Variants in CPNE4 observed in about 807,000 individuals in gnomAD.
The protein encoded by CPNE4 is copine-4.
CPNE4 carries 25 observed loss-of-function variants against 67.9 expected under a neutral mutation model. That is an observed-to-expected ratio of 0.37 (90% CI 0.27 to 0.51). The LOEUF (loss-of-function observed/expected upper bound fraction) is 0.51. CPNE4 is among the 20% of genes least tolerant of loss of function. The probability of loss-of-function intolerance (pLI) is 0.93; values close to 1 mark genes in which losing one functional copy is unlikely to be tolerated. For missense variants in CPNE4, 464 were observed against 690.8 expected (o/e 0.67, Z 3.68); for synonymous variants, 242 against 244.9 (o/e 0.99, Z 0.11).
intron 2 of CPNE4, among the ~76,000 whole-genome samples, chr3:131,903,694 G>A (rs1221451732): frequency 6.6e-6 from 1 of 152,048 alleles, no homozygotes. Flanking sequence ...GTAAAATGGG[G>A]ATAATATCTC....
chr3:131,601,715 G>C (rs528270286), intron 7 of CPNE4, among the ~76,000 whole-genome samples: 3 of 152,156 alleles, frequency 2.0e-5, no homozygotes, highest in Non-Finnish European at 2.9e-5. Context: ...ATGATAGCCT[G>C]CACAGAATTG....
chr3:131,911,908 C>G (rs1014933054), intron 1 of CPNE4, among the ~76,000 whole-genome samples: 1 of 152,084 alleles, frequency 6.6e-6, no homozygotes, highest in African/African-American at 2.4e-5. Flanking sequence ...GGCTTTGGTC[C>G]AGCTGAAGCT....
At chr3:131,564,184 G>A in intron 11 of CPNE4, 32 bp downstream of exon 11, 2 of 1,611,872 alleles carry the variant, frequency 1.2e-6, no homozygotes, top group South Asian at 2.2e-5. Context: ...CATGAGAGAT[G>A]ATAAGGCTCC....
chr3:132,031,379 A>C (rs542238103), intron 1 of CPNE4, among the ~76,000 whole-genome samples: 1 of 152,338 alleles, frequency 6.6e-6, no homozygotes, highest in South Asian at 2.1e-4. Context: ...CAAATATGGA[A>C]CACAAATTTA....
chr3:131,562,403 A>G (rs2107661850), intron 11 of CPNE4, among the ~76,000 whole-genome samples: 1 of 152,128 alleles, frequency 6.6e-6, no homozygotes, highest in South Asian at 2.1e-4. Context: ...TTTGTAATTT[A>G]TTATGAGACT....
In CPNE4 at chr3:131,863,198, T is replaced by A. The variant is rs532011727; in HGVS notation, c.180+42066A>T. Among the ~76,000 whole-genome samples the A allele has an allele frequency of 4.5e-4, 69 of 152,224 alleles. 1 individual carries two copies. Among genetic ancestry groups the A allele is most frequent in the African/African-American group, 1.6e-3 (68 of 41,538 alleles). On this transcript the variant is annotated intron_variant, in intron 2 of 15. Transcript: ENST00000429747. ...GTGCATGTGTCTTTATAGCAGCATGTTTTATAATCCTTTGGGTACATACCC... is the reference window on the plus strand; with the variant it reads ...GTGCATGTGTCTTTATAGCAGCATGATTTATAATCCTTTGGGTACATACCC...
chr3:131,872,495 T>C (rs1284779134), intron 2 of CPNE4, among the ~76,000 whole-genome samples: 2 of 152,200 alleles, frequency 1.3e-5, no homozygotes, highest in Non-Finnish European at 2.9e-5. Flanking sequence ...CTGTTTGTTC[T>C]ACTCAGAACT....
intron 2 of CPNE4, among the ~76,000 whole-genome samples, chr3:131,861,968 G>A (rs1226560560): frequency 6.6e-6 from 1 of 152,140 alleles, no homozygotes; most frequent in East Asian, 1.9e-4. Flanking sequence ...GCGAAGTGAG[G>A]ACACCAATAT....
chr3:131,819,479 G>GACAC (rs2084875137), intron 2 of CPNE4, among the ~76,000 whole-genome samples: 1 of 125,274 alleles, frequency 8.0e-6, no homozygotes, highest in Non-Finnish European at 1.7e-5. Context: ...CATTCACACA[G>GACAC]ACACACACAG....
chr3:131,590,849 A>T (rs1374124453), intron 7 of CPNE4, among the ~76,000 whole-genome samples: 1 of 152,244 alleles, frequency 6.6e-6, no homozygotes, highest in Non-Finnish European at 1.5e-5. Context: ...AGTCAATGAA[A>T]GGCTTAGCTC....
intron 2 of CPNE4, among the ~76,000 whole-genome samples, chr3:131,827,321 A>G (rs568514790): frequency 1.3e-5 from 2 of 150,982 alleles, no homozygotes; most frequent in Non-Finnish European, 1.5e-5. Flanking sequence ...TGCACACATG[A>G]CTTTAATGTA....
intron 2 of CPNE4, among the ~76,000 whole-genome samples, chr3:131,758,833 C>T (rs917823058): frequency 6.6e-6 from 1 of 152,096 alleles, no homozygotes; most frequent in Non-Finnish European, 1.5e-5. Flanking sequence ...CTGATTGGCT[C>T]ATCTGGGGTT....
intron 1 of CPNE4, among the ~76,000 whole-genome samples, chr3:131,963,998 C>T (rs1342659557): frequency 3.3e-5 from 5 of 152,098 alleles, no homozygotes; most frequent in Admixed American, 2.6e-4. Context: ...CTGGTGGGTG[C>T]CCCTCTAGGA....
chr3:131,783,738 A>G, intron 2 of CPNE4, among the ~76,000 whole-genome samples: 1 of 151,968 alleles, frequency 6.6e-6, no homozygotes, highest in East Asian at 1.9e-4. Context: ...GTGCTCTTAA[A>G]CCTATTGCTT....
At position 131,707,193 on chromosome 3, in the gene CPNE4, C is replaced by T. The variant is rs982807359; in HGVS notation, c.361-7213G>A. ...TAAAACAACAGAAATGTGCTCATGG[C>T]TCTGGAGGGAAAAAGTTTGAAATCA... On this transcript the variant is annotated intron_variant, in intron 3 of 15. Coordinates refer to ENST00000429747, the MANE Select transcript of CPNE4 (RefSeq NM_130808.3). Among the ~76,000 whole-genome samples the T allele has an allele frequency of 1.1e-4, 17 of 152,300 alleles. No homozygotes were observed. In the East Asian group the frequency reaches 1.5e-3, roughly 14 times the overall value.
chr3:132,021,325 A>G (rs536493984), intron 1 of CPNE4, among the ~76,000 whole-genome samples: 1 of 152,376 alleles, frequency 6.6e-6, no homozygotes, highest in African/African-American at 2.4e-5. Context: ...CTCACAATGC[A>G]TAGCAACAAA....
In CPNE4 at chr3:132,035,007, CT is replaced by C. The variant is rs138600388; in HGVS notation, c.-443del. The C allele has an allele frequency of 3.0e-3, 2,911 of 985,436 alleles. 78 individuals carry two copies. The African/African-American group carries it at 0.047, about 16-fold the overall frequency. The allele number at this position is 985,436 out of a possible 1,614,324, so 61.0% of individuals were successfully genotyped here. On this transcript the variant is annotated 5_prime_UTR_variant, in exon 1 of 16. Transcript: ENST00000429747. ...CAGCTTCTCACAGAGAGATTTCCAC[CT>C]TCTGACGAATCCCATGCACCCAGCA...
At chr3:131,982,761 A>G (rs1011648190) in intron 1 of CPNE4, among the ~76,000 whole-genome samples, 2 of 152,160 alleles carry the variant, frequency 1.3e-5, no homozygotes, top group African/African-American at 4.8e-5. Context: ...TGGAAACTTT[A>G]AATTGGCTTA....
At chr3:131,987,293 A>G (rs1178190373) in intron 1 of CPNE4, among the ~76,000 whole-genome samples, 1 of 152,208 alleles carries the variant, frequency 6.6e-6, no homozygotes, top group African/African-American at 2.4e-5. Context: ...TTGGTGCTGG[A>G]AATGTTCTAC....
Sources: gnomAD v4.1 joint callset for allele counts (sites outside exome capture counted in the v4.1 genomes callset) on GRCh38, gnomAD v4.1.1 for gene constraint, MANE v1.5 for transcripts, NCBI Gene and HGNC (gene_info 2026-07-23, HGNC 2026-07-21) for gene names.